C1orf21: variants seen among roughly 807,000 people sequenced by gnomAD.
The protein encoded by C1orf21 is chromosome 1 open reading frame 21.
In C1orf21, 3 loss-of-function variants were observed where a neutral mutation model predicts 18.7. The observed-to-expected ratio is 0.16, with a 90% CI of 0.07 to 0.42. The LOEUF is 0.42. Ranked by LOEUF, C1orf21 falls within the 10% of genes least tolerant of loss-of-function variation. The probability of loss-of-function intolerance (pLI) is 0.99; values close to 1 mark genes in which losing one functional copy is unlikely to be tolerated. For missense variants in C1orf21, 104 were observed against 143.6 expected (o/e 0.72, Z 1.41); for synonymous variants, 41 against 46.4 (o/e 0.88, Z 0.47).
chr1:184,391,534 C>T (rs1398321846), intron 1 of C1orf21, among the ~76,000 whole-genome samples: 1 of 152,116 alleles, frequency 6.6e-6, no homozygotes, highest in African/African-American at 2.4e-5. Flanking sequence ...TTAAGATCTG[C>T]AATGTGTCAA....
At chr1:184,416,846 G>A (rs1444591244) in intron 1 of C1orf21, among the ~76,000 whole-genome samples, 1 of 152,174 alleles carries the variant, frequency 6.6e-6, no homozygotes, top group Non-Finnish European at 1.5e-5. Context: ...CGTGTTACTG[G>A]AAGAAATGCT....
At chr1:184,589,052 A>T (rs563501924) in intron 3 of C1orf21, among the ~76,000 whole-genome samples, 2 of 152,214 alleles carry the variant, frequency 1.3e-5, no homozygotes, top group Non-Finnish European at 2.9e-5. Flanking sequence ...ACAGTTAAAT[A>T]AATGGAATAT....
intron 1 of C1orf21, among the ~76,000 whole-genome samples, chr1:184,464,744 AAGTAGGACTATG>A (rs1217321262): frequency 1.3e-5 from 2 of 152,144 alleles, no homozygotes; most frequent in Non-Finnish European, 2.9e-5. Flanking sequence ...AGAAATGGAG[AAGTAGGACTATG>A]AGCAGAATAT....
intron 4 of C1orf21, among the ~76,000 whole-genome samples, chr1:184,597,957 A>T (rs970645677): frequency 6.6e-6 from 1 of 152,010 alleles, no homozygotes; most frequent in African/African-American, 2.4e-5. Context: ...ACCCATAGTC[A>T]GCTGGAGATC....
intron 2 of C1orf21, among the ~76,000 whole-genome samples, chr1:184,505,484 C>G (rs951968119): frequency 6.6e-6 from 1 of 151,304 alleles, no homozygotes; most frequent in Admixed American, 6.6e-5. Flanking sequence ...AATAGTAGGC[C>G]AGGCATGATG....
At chr1:184,511,460 A>G (rs1658142217) in intron 3 of C1orf21, among the ~76,000 whole-genome samples, 1 of 152,214 alleles carries the variant, frequency 6.6e-6, no homozygotes, top group Non-Finnish European at 1.5e-5. Flanking sequence ...CTTGTAGAAC[A>G]TTCATGTGGA....
chr1:184,390,792 C>T (rs2101952014), intron 1 of C1orf21, among the ~76,000 whole-genome samples: 1 of 152,216 alleles, frequency 6.6e-6, no homozygotes, highest in East Asian at 1.9e-4. Context: ...TATGGTCCTT[C>T]TTTGAGCCTC....
intron 3 of C1orf21, among the ~76,000 whole-genome samples, chr1:184,542,128 T>G (rs576936000): frequency 4.6e-5 from 7 of 152,166 alleles, no homozygotes; most frequent in African/African-American, 1.7e-4. Flanking sequence ...CTTAGCCACA[T>G]AGAGTTGCCT....
intron 1 of C1orf21, among the ~76,000 whole-genome samples, chr1:184,432,522 G>T (rs1265043136): frequency 6.6e-6 from 1 of 152,128 alleles, no homozygotes. Context: ...CCTGTTGCAG[G>T]GTAGGGGCTA....
intron 2 of C1orf21, among the ~76,000 whole-genome samples, chr1:184,479,198 G>C (rs1156843821): frequency 6.6e-6 from 1 of 152,164 alleles, no homozygotes; most frequent in Non-Finnish European, 1.5e-5. Flanking sequence ...TAAAACTACA[G>C]TCCAGATCTC....
chr1:184,488,819 G>A (rs1009866698), intron 2 of C1orf21, among the ~76,000 whole-genome samples: 12 of 152,242 alleles, frequency 7.9e-5, no homozygotes, highest in African/African-American at 2.9e-4. Context: ...CAAAAAATTA[G>A]CCAGATGTGG....
At chr1:184,408,867 CA>C (rs1230138908) in intron 1 of C1orf21, among the ~76,000 whole-genome samples, 1 of 152,190 alleles carries the variant, frequency 6.6e-6, no homozygotes, top group Non-Finnish European at 1.5e-5. Context: ...AAGTCTCATG[CA>C]TAATAAAAAT....
At chr1:184,438,511 C>G (rs1656893383) in intron 1 of C1orf21, among the ~76,000 whole-genome samples, 1 of 152,166 alleles carries the variant, frequency 6.6e-6, no homozygotes, top group African/African-American at 2.4e-5. Context: ...ACCTCACACT[C>G]CATGTAGAAA....
intron 3 of C1orf21, among the ~76,000 whole-genome samples, chr1:184,587,336 A>T (rs1022257033): frequency 7.0e-6 from 1 of 143,160 alleles, no homozygotes; most frequent in Non-Finnish European, 1.5e-5. Flanking sequence ...AGACATTGGT[A>T]GTTTAATAGA....
At chr1:184,552,046 T>C (rs1658820898) in intron 3 of C1orf21, among the ~76,000 whole-genome samples, 1 of 151,944 alleles carries the variant, frequency 6.6e-6, no homozygotes, top group Admixed American at 6.5e-5. Context: ...TTCATTTGCA[T>C]ACACAAATTT....
intron 1 of C1orf21, among the ~76,000 whole-genome samples, chr1:184,451,168 A>C (rs1203407647): frequency 6.6e-6 from 1 of 152,202 alleles, no homozygotes; most frequent in Admixed American, 6.5e-5. Flanking sequence ...GTGAACTGCC[A>C]TGCCTGGGCT....
chr1:184,495,668 T>C (rs1657882926), intron 2 of C1orf21, among the ~76,000 whole-genome samples: 1 of 152,144 alleles, frequency 6.6e-6, no homozygotes, highest in South Asian at 2.1e-4. Context: ...ATGCGTGTAA[T>C]TCCAGCACTT....
intron 1 of C1orf21, among the ~76,000 whole-genome samples, chr1:184,466,814 A>G (rs1194952639): frequency 6.6e-6 from 1 of 152,128 alleles, no homozygotes; most frequent in Non-Finnish European, 1.5e-5. Context: ...GGAAATGGAC[A>G]TTACAGTCTA....
intron 5 of C1orf21, chr1:184,599,608 A>G (rs1659560175): frequency 1.3e-5 from 2 of 151,834 alleles, no homozygotes; most frequent in African/African-American, 4.8e-5. Flanking sequence ...AAGTATAATA[A>G]TTTTTTTTTA....
Sources: allele counts gnomAD v4.1 joint callset (sites outside exome capture counted in the v4.1 genomes callset), GRCh38; gene constraint gnomAD v4.1.1; transcripts MANE v1.5; gene names NCBI Gene and HGNC (gene_info 2026-07-23, HGNC 2026-07-21).